The following CCDC18 variants were observed in gnomAD, a reference collection of about 807,000 sequenced individuals.
The protein encoded by CCDC18 is coiled-coil domain-containing protein 18.
Under a neutral mutation model 196.0 loss-of-function variants are expected in CCDC18, and 157 were observed. That is an observed-to-expected ratio of 0.80 (90% CI 0.70 to 0.91). The LOEUF is 0.91. Among genes scored for constraint, CCDC18 ranks in the 40% least tolerant of loss-of-function variants. The pLI, the probability that CCDC18 is intolerant of heterozygous loss-of-function variation, is 0.00. For missense variants in CCDC18, 1,465 were observed against 1,611.6 expected (o/e 0.91, Z 1.56); for synonymous variants, 482 against 529.2 (o/e 0.91, Z 1.22).
intron 4 of CCDC18, among the ~76,000 whole-genome samples, chr1:93,191,671 T>C (rs763598422): frequency 2.6e-5 from 4 of 152,206 alleles, no homozygotes; most frequent in Non-Finnish European, 4.4e-5. Flanking sequence ...TCTTTTATAA[T>C]TGTTTATAGT....
At chr1:93,242,171 A>G (rs1196441751) in intron 21 of CCDC18, among the ~76,000 whole-genome samples, 1 of 152,202 alleles carries the variant, frequency 6.6e-6, no homozygotes, top group Non-Finnish European at 1.5e-5. Context: ...GATAAACAAA[A>G]TATAGTGTCT....
At chr1:93,226,573 G>A (rs1318989631) in intron 17 of CCDC18, 124 bp downstream of exon 17, 1 of 316,170 alleles carries the variant, frequency 3.2e-6, no homozygotes, top group Admixed American at 5.0e-5. Flanking sequence ...TCCCCATGTT[G>A]CCCAGGCTGG....
At chr1:93,190,718 A>G (rs1461970644) in intron 4 of CCDC18, 1 of 429,156 alleles carries the variant, frequency 2.3e-6, no homozygotes, top group Non-Finnish European at 4.2e-6. Flanking sequence ...TATTGTCTTC[A>G]TAATAAAACA....
At chr1:93,255,464 C>G (rs1270517025) in intron 24 of CCDC18, among the ~76,000 whole-genome samples, 1 of 152,134 alleles carries the variant, frequency 6.6e-6, no homozygotes, top group Non-Finnish European at 1.5e-5. Flanking sequence ...GGCACGATGA[C>G]TCACACTTAT....
At position 93,203,393 on chromosome 1, in the gene CCDC18, G is replaced by A. The variant is rs370672418; in HGVS notation, c.795+1405G>A. ...TTTTGTATCTATAGGTCTGGATTTAGACATACAAATCTGTACTAGGGCTGT... is the reference window on the plus strand; with the variant it reads ...TTTTGTATCTATAGGTCTGGATTTAAACATACAAATCTGTACTAGGGCTGT... On this transcript the variant is annotated intron_variant, in intron 7 of 28. Transcript: ENST00000690025. Among the ~76,000 whole-genome samples, 20 of 152,108 alleles carry A rather than the reference G, an allele frequency of 1.3e-4. 1 individual carries two copies. Among genetic ancestry groups the A allele is most frequent in the East Asian group, 7.7e-4 (4 of 5,200 alleles).
Position 93,205,597 on chromosome 1 carries a change from A to G in CCDC18, c.883A>G (p.Lys295Glu). ...KRLQERCGLY[K>E]SELEILKEKL... ...GCTACAAGAAAGGTGTGGTCTATATAAAAGTGAACTTGAAATTCTGAAAGA... is the reference window on the plus strand; with the variant it reads ...GCTACAAGAAAGGTGTGGTCTATATGAAAGTGAACTTGAAATTCTGAAAGA... Residue 295 changes from lysine (K) to glutamate (E), a missense_variant, in exon 8 of 29, where the codon AAA (lysine) becomes GAA (glutamate). Physicochemically the swap from Lys to Glu is moderately conservative, Grantham distance 56. Coordinates refer to ENST00000690025, the MANE Select transcript of CCDC18 (RefSeq NM_001378204.1). The G allele has an allele frequency of 6.3e-7, 1 of 1,595,824 alleles. No individual in the cohort carries two copies. The highest frequency in any genetic ancestry group is 8.5e-7 in the Non-Finnish European group (1 of 1,171,794).
chr1:93,193,475 G>T, intron 5 of CCDC18, 141 bp from the exon 6 acceptor site: 1 of 494,496 alleles, frequency 2.0e-6, no homozygotes, highest in East Asian at 3.7e-5. Context: ...TGATGAATAT[G>T]CCTTTTTCTC....
intron 22 of CCDC18, 128 bp downstream of exon 22, chr1:93,246,332 T>G: frequency 1.8e-6 from 1 of 542,218 alleles, no homozygotes. Flanking sequence ...CACATAGGGT[T>G]TACTAAATTA....
intron 25 of CCDC18, among the ~76,000 whole-genome samples, chr1:93,258,167 C>T (rs1222685936): frequency 2.0e-5 from 3 of 151,338 alleles, no homozygotes; most frequent in Non-Finnish European, 4.4e-5. Flanking sequence ...TTTTATGGGA[C>T]CTCCTACCAT....
rs1479914916 is a variant in CCDC18 at position 93,239,462 on chromosome 1, AAAC to A, written c.2759_2761del (p.Thr920del). On this transcript the variant is annotated inframe_deletion, in exon 20 of 29. Transcript: ENST00000690025. ...CAGACAAAGACAGAGCTAGAAAAGA[AAAC>A]AAATGCTGGTAAGCAAGTGGTTAGA... 1 of 1,608,570 alleles carries A rather than the reference AAAC, an allele frequency of 6.2e-7. No individual in the cohort carries two copies. The highest frequency in any genetic ancestry group is 8.5e-7 in the Non-Finnish European group (1 of 1,178,252).
intron 6 of CCDC18, among the ~76,000 whole-genome samples, chr1:93,195,916 A>G (rs1015268141): frequency 6.6e-6 from 1 of 152,202 alleles, no homozygotes; most frequent in Non-Finnish European, 1.5e-5. Context: ...TTCAAGGACT[A>G]TTGGGTGGAG....
intron 13 of CCDC18, among the ~76,000 whole-genome samples, chr1:93,217,084 G>A (rs992242593): frequency 1.3e-5 from 2 of 151,432 alleles, no homozygotes; most frequent in East Asian, 1.9e-4. Flanking sequence ...ACAGGCGCCC[G>A]CCACCACGCC....
chr1:93,223,914 C>G (rs1377955980), intron 16 of CCDC18, among the ~76,000 whole-genome samples: 2 of 97,934 alleles, frequency 2.0e-5, no homozygotes, highest in African/African-American at 5.0e-5. Context: ...CACACACACA[C>G]ACACACACAC....
At chr1:93,240,004 A>G in intron 21 of CCDC18, 108 bp downstream of exon 21, 2 of 783,402 alleles carry the variant, frequency 2.6e-6, no homozygotes, top group Non-Finnish European at 4.0e-6. Context: ...TCTTTGGCTC[A>G]CTTTGGCTCA....
At position 93,183,415 on chromosome 1, in the gene CCDC18, G is replaced by T; in HGVS notation, c.54G>T (p.Leu18Phe). The T allele has an allele frequency of 6.2e-7, 1 of 1,605,516 alleles. No individual in the cohort carries two copies. The highest frequency in any genetic ancestry group is 1.3e-5 in the African/African-American group (1 of 74,802). ...ATAAAGACAATGAAGAGGAAAGTTTGCTTGCAAATGTTGCTTCCTTAAGAC... is the reference window on the plus strand; with the variant it reads ...ATAAAGACAATGAAGAGGAAAGTTTTCTTGCAAATGTTGCTTCCTTAAGAC... The part of the protein sequence containing the change: ...YYNKDNEEES[L>F]LANVASLRHE... Residue 18 changes from leucine (L) to phenylalanine (F), a missense_variant, in exon 2 of 29, where the codon TTG (leucine) becomes TTT (phenylalanine). Transcript: ENST00000690025.
chr1:93,210,756 C>T (rs779542166), intron 9 of CCDC18, 46 bp from the exon 10 acceptor site: 33 of 1,421,794 alleles, frequency 2.3e-5, no homozygotes, highest in Middle Eastern at 1.9e-4. Context: ...AAAGCAAATG[C>T]ATCTCATTTA....
upstream of CCDC18, chr1:93,180,165 G>A (rs764599971): frequency 4.3e-6 from 7 of 1,613,132 alleles, no homozygotes; most frequent in Admixed American, 1.7e-5. Flanking sequence ...GTGTGAAGCC[G>A]GCCGCCCCAG....
In CCDC18 at chr1:93,193,603, C is replaced by T. The variant is rs371765041; in HGVS notation, c.570-13C>T. 6 of 1,551,780 alleles carry T rather than the reference C, an allele frequency of 3.9e-6. No homozygotes were observed. The African/African-American group carries it at 4.2e-5, about 11-fold the overall frequency. ...CTTTAGTAGTCTTAAACAAAGTATC[C>T]TTTATTTTATAGAGAGGCAGAAAAT... On this transcript the variant is annotated splice_polypyrimidine_tract_variant and intron_variant, in intron 5 of 28. Coordinates refer to ENST00000690025, the MANE Select transcript of CCDC18 (RefSeq NM_001378204.1).
intron 1 of CCDC18, among the ~76,000 whole-genome samples, chr1:93,182,438 C>G (rs1478447072): frequency 6.6e-6 from 1 of 152,096 alleles, no homozygotes; most frequent in Non-Finnish European, 1.5e-5. Context: ...GGGATGGGAT[C>G]AGAATGCTAA....
Sources: allele counts gnomAD v4.1 joint callset (sites outside exome capture counted in the v4.1 genomes callset), GRCh38; gene constraint gnomAD v4.1.1; transcripts MANE v1.5; gene names NCBI Gene and HGNC (gene_info 2026-07-23, HGNC 2026-07-21).